Variants in EVA1C observed in about 807,000 individuals in gnomAD.
EVA1C encodes the protein protein eva-1 homolog C.
A neutral mutation model predicts 45.4 loss-of-function variants in EVA1C; 25 were observed. The ratio of observed to expected loss-of-function variants is 0.55; its 90% CI spans 0.40 to 0.77. The LOEUF (loss-of-function observed/expected upper bound fraction) is 0.77. EVA1C is among the 30% of genes least tolerant of loss of function. EVA1C has a pLI of 0.00. For synonymous variants in EVA1C, 190 were observed against 221.2 expected (o/e 0.86, Z 1.25); for missense variants, 479 against 554.8 (o/e 0.86, Z 1.37).
chr21:32,412,530 C>A (rs2033857265), upstream of EVA1C: 1 of 254,892 alleles, frequency 3.9e-6, no homozygotes, highest in Non-Finnish European at 7.4e-6. Flanking sequence ...GCCTGGGCAG[C>A]CGCGGGGCGC....
intron 4 of EVA1C, among the ~76,000 whole-genome samples, chr21:32,487,929 T>TATA (rs2037027146): frequency 6.6e-6 from 1 of 152,090 alleles, no homozygotes; most frequent in African/African-American, 2.4e-5. Flanking sequence ...ACCCCTGATT[T>TATA]ATAGGTGGTC....
chr21:32,426,776 T>C (rs2034504271), intron 1 of EVA1C, among the ~76,000 whole-genome samples: 1 of 152,178 alleles, frequency 6.6e-6, no homozygotes, highest in Non-Finnish European at 1.5e-5. Context: ...CATGCCTCCC[T>C]CCATCACCCC....
rs1461820500 is a variant in EVA1C, at chr21:32,412,870, GC to G, written c.18del (p.Ala7HisfsTer19). On this transcript the variant is annotated frameshift_variant, in exon 1 of 8. Coordinates refer to ENST00000300255, the MANE Select transcript of EVA1C (RefSeq NM_058187.5). LOFTEE classifies it high-confidence loss of function. ...CAGCGCACGATGCTTCTGCCGGGAC[GC>G]GCACGCCAACCGCCGACGCCCCAGC... MLLPG[R>X]ARQPPTPQPV... 1 of 1,495,080 alleles carries G rather than the reference GC, an allele frequency of 6.7e-7. No homozygotes were observed. The highest frequency in any genetic ancestry group is 8.9e-7 in the Non-Finnish European group (1 of 1,128,298). 92.6% of individuals were successfully genotyped at this position (1,495,080 alleles called of 1,614,324 possible). A position where few individuals can be genotyped will look rare whatever the true frequency, so the allele number is the denominator to read the frequency against.
intron 3 of EVA1C, among the ~76,000 whole-genome samples, chr21:32,458,482 C>CTT (rs60556962): frequency 4.9e-5 from 7 of 142,634 alleles, no homozygotes; most frequent in Admixed American, 7.0e-5. Flanking sequence ...AAGTTAAGCA[C>CTT]TTTTTTTTTT....
chr21:32,460,157 G>A (rs2035945866), intron 3 of EVA1C, among the ~76,000 whole-genome samples: 1 of 152,144 alleles, frequency 6.6e-6, no homozygotes, highest in Non-Finnish European at 1.5e-5. Context: ...ACATCCCACA[G>A]AGATTCCCTG....
chr21:32,428,359 T>C (rs1216112809), intron 1 of EVA1C: 1 of 152,210 alleles, frequency 6.6e-6, no homozygotes, highest in Non-Finnish European at 1.5e-5. Context: ...CAACATGGAT[T>C]GCACCAGGCT....
At position 32,462,299 on chromosome 21, in the gene EVA1C, T is replaced by C. The variant is rs141793647; in HGVS notation, c.481+4579T>C. 5.7e-3 allele frequency among the ~76,000 whole-genome samples: 849 copies of C among 149,782 alleles called. 10 individuals carry two copies. Among genetic ancestry groups the C allele is most frequent in the Admixed American group, 0.035 (528 of 15,056 alleles). ...GTCCTAGCCACTTGGGAGGCTGAAG[T>C]GGGAGGATTGCTTGAGCCCAGGAGT... On this transcript the variant is annotated intron_variant, in intron 3 of 7. Transcript: ENST00000300255.
At chr21:32,456,987 A>T (rs2035804793) in intron 2 of EVA1C, among the ~76,000 whole-genome samples, 1 of 152,216 alleles carries the variant, frequency 6.6e-6, no homozygotes, top group Admixed American at 6.5e-5. Flanking sequence ...TTCCACTAAG[A>T]AAACTGCTCC....
chr21:32,414,258 G>A (rs1399146331), intron 1 of EVA1C, among the ~76,000 whole-genome samples: 1 of 152,160 alleles, frequency 6.6e-6, no homozygotes, highest in Non-Finnish European at 1.5e-5. Flanking sequence ...GAACTCTGTG[G>A]TAAGAGTTGT....
chr21:32,431,462 C>T (rs1477498548), intron 1 of EVA1C, among the ~76,000 whole-genome samples: 1 of 152,196 alleles, frequency 6.6e-6, no homozygotes, highest in Non-Finnish European at 1.5e-5. Flanking sequence ...ACTAGAATGA[C>T]CTTGGGGTGT....
chr21:32,497,295 G>T (rs981850882), intron 5 of EVA1C: 1 of 681,234 alleles, frequency 1.5e-6, no homozygotes, highest in African/African-American at 1.8e-5. Context: ...CAAATCTCCA[G>T]ATTGGCAGAA....
intron 3 of EVA1C, among the ~76,000 whole-genome samples, chr21:32,466,436 A>T (rs1311717170): frequency 6.6e-6 from 1 of 150,376 alleles, no homozygotes; most frequent in Non-Finnish European, 1.5e-5. Flanking sequence ...AAAAAAAAAA[A>T]TTCAAATCAT....
intron 3 of EVA1C, among the ~76,000 whole-genome samples, chr21:32,465,414 G>A (rs977273778): frequency 1.3e-5 from 2 of 152,142 alleles, no homozygotes; most frequent in Non-Finnish European, 2.9e-5. Context: ...TTTAACTCTT[G>A]TTTGCAGTTA....
chr21:32,437,302 A>T (rs1441346157), intron 1 of EVA1C, among the ~76,000 whole-genome samples: 1 of 152,190 alleles, frequency 6.6e-6, no homozygotes, highest in Non-Finnish European at 1.5e-5. Flanking sequence ...AACACCCATG[A>T]GTTCATCTCA....
At chr21:32,438,453 C>G (rs1282393494) in intron 1 of EVA1C, among the ~76,000 whole-genome samples, 2 of 141,156 alleles carry the variant, frequency 1.4e-5, no homozygotes, top group East Asian at 4.4e-4. Flanking sequence ...TGCCACTGCA[C>G]TCCAGCCTGG....
chr21:32,451,256 C>T (rs2035569090), intron 1 of EVA1C, among the ~76,000 whole-genome samples: 1 of 152,200 alleles, frequency 6.6e-6, no homozygotes. Context: ...TGCCCTCCTT[C>T]ACGCCACCTC....
chr21:32,461,591 G>C (rs76959094), intron 3 of EVA1C, among the ~76,000 whole-genome samples: 24,802 of 152,206 alleles, frequency 0.16, 2,289 homozygotes, highest in Admixed American at 0.23. Context: ...TGCAGAGCCA[G>C]TTCTTATGAT....
rs760653693 is a variant in EVA1C at position 32,467,793 on chromosome 21, G to A, written c.579G>A (p.Arg193=). The part of the protein sequence containing the change: ...FLNIYSATYG[R]RTQERDICSS... Reference sequence around the variant, plus strand: ...ACATCTACTCTGCGACCTACGGCAGGAGGACCCAGGAAAGGGACATCTGCT... The same window carrying A: ...ACATCTACTCTGCGACCTACGGCAGAAGGACCCAGGAAAGGGACATCTGCT... The change falls in exon 4 of 8, where the codon AGG becomes AGA. Residue 193 remains arginine (R), a synonymous_variant. Transcript: ENST00000300255. 1 of 1,613,114 alleles carries A rather than the reference G, an allele frequency of 6.2e-7. No homozygotes were observed. Among genetic ancestry groups the A allele is most frequent in the Non-Finnish European group, 8.5e-7 (1 of 1,179,534 alleles).
At chr21:32,467,912 ATATATATATCC>A (rs918914556) in intron 4 of EVA1C, 64 bp downstream of exon 4, 73 of 1,041,516 alleles carry the variant, frequency 7.0e-5, no homozygotes, top group Non-Finnish European at 9.2e-5. Context: ...TAGAATATAT[ATATATATATCC>A]TATATATATC....
Sources: allele counts gnomAD v4.1 joint callset (sites outside exome capture counted in the v4.1 genomes callset), GRCh38; gene constraint gnomAD v4.1.1; transcripts MANE v1.5; gene names NCBI Gene and HGNC (gene_info 2026-07-23, HGNC 2026-07-21).